The following SWAP70 variants were observed in gnomAD, a reference collection of about 807,000 sequenced individuals.
SWAP70 encodes switch-associated protein 70.
A neutral mutation model predicts 80.2 loss-of-function variants in SWAP70; 34 were observed. That is an observed-to-expected ratio of 0.42 (90% CI 0.32 to 0.56). SWAP70 has a LOEUF of 0.56. Among genes scored for constraint, SWAP70 ranks in the 20% least tolerant of loss-of-function variants. SWAP70 has a pLI of 0.09. For missense variants in SWAP70, 578 were observed against 690.7 expected, an observed-to-expected ratio of 0.84 and a Z score of 1.83; for synonymous variants, 239 against 238.5, an observed-to-expected ratio of 1.00 and a Z score of -0.02.
intron 10 of SWAP70, among the ~76,000 whole-genome samples, chr11:9,748,751 G>C (rs1564836959): frequency 1.3e-5 from 2 of 152,250 alleles, no homozygotes; most frequent in Non-Finnish European, 2.9e-5. Flanking sequence ...GGTGGATTTG[G>C]AGTGGAGAGG....
intron 1 of SWAP70, among the ~76,000 whole-genome samples, chr11:9,671,936 T>C (rs1216567521): frequency 1.8e-5 from 2 of 111,252 alleles, no homozygotes; most frequent in East Asian, 5.3e-4. Flanking sequence ...TTATATTTTA[T>C]AATATATTTT....
At chr11:9,725,023 A>G in intron 4 of SWAP70, 138 bp downstream of exon 4, 1 of 662,246 alleles carries the variant, frequency 1.5e-6, no homozygotes, top group Non-Finnish European at 2.5e-6. Flanking sequence ...TTTTTTTGAG[A>G]CAGTCTTGCT....
chr11:9,723,839 C>T lies in SWAP70; in HGVS notation c.415-819C>T, dbSNP rs1031629572. ...CCAGGCTGGAGTGCAGTGGCACAAT[C>T]GCCGCTCACTGCAACCTCTGTCTTC... On this transcript the variant is annotated intron_variant, in intron 3 of 11. Coordinates refer to ENST00000318950, the MANE Select transcript of SWAP70 (RefSeq NM_015055.4). 4.0e-5 allele frequency among the ~76,000 whole-genome samples: 6 copies of T among 148,668 alleles called. No homozygotes were observed. The East Asian group carries it at 5.9e-4, about 15-fold the overall frequency.
chr11:9,673,880 T>C (rs1850451486), intron 1 of SWAP70, among the ~76,000 whole-genome samples: 1 of 152,200 alleles, frequency 6.6e-6, no homozygotes, highest in East Asian at 1.9e-4. Flanking sequence ...TTTTCTTTTT[T>C]CATTGATTTA....
chr11:9,684,542 ATT>A (rs1157865238), intron 1 of SWAP70, among the ~76,000 whole-genome samples: 2 of 152,094 alleles, frequency 1.3e-5, no homozygotes, highest in Non-Finnish European at 2.9e-5. Context: ...GTTAATTCTT[ATT>A]GTGTCCTTTT....
In SWAP70 at chr11:9,752,342, C is replaced by T. The variant is rs12575391; in HGVS notation, c.*2372C>T. On this transcript the variant is annotated 3_prime_UTR_variant, in exon 12 of 12. Transcript: ENST00000318950. ...CACTGCCTGGCCCCTGGCCATCCACCTAAGGACTGCCTGCTTTCTGGTCAC... is the reference window on the plus strand; with the variant it reads ...CACTGCCTGGCCCCTGGCCATCCACTTAAGGACTGCCTGCTTTCTGGTCAC... 1.3e-5 allele frequency: 2 copies of T among 152,300 alleles called. 1 individual carries two copies. 9.4% of individuals were successfully genotyped at this position (152,300 alleles called of 1,614,324 possible).
intron 6 of SWAP70, among the ~76,000 whole-genome samples, chr11:9,732,243 T>C (rs1011493477): frequency 9.9e-5 from 15 of 152,200 alleles, no homozygotes; most frequent in African/African-American, 3.1e-4. Context: ...CAGATACAGT[T>C]AACAGAATTT....
intron 1 of SWAP70, among the ~76,000 whole-genome samples, chr11:9,689,162 G>A (rs1206109165): frequency 6.6e-6 from 1 of 152,152 alleles, no homozygotes; most frequent in Non-Finnish European, 1.5e-5. Context: ...TTACTGGGTG[G>A]CACGTTTTAA....
chr11:9,725,554 TATATATATA>T lies in SWAP70; in HGVS notation c.642+670_642+678del, dbSNP rs1239309196. Reference sequence around the variant, plus strand: ...AAATATATATATATATATATATATATATATATATATATATATTTTTTTTTTTTTTTTTTT... The same window carrying T: ...AAATATATATATATATATATATATATTATATATTTTTTTTTTTTTTTTTTT... On this transcript the variant is annotated intron_variant, in intron 4 of 11. Coordinates refer to ENST00000318950, the MANE Select transcript of SWAP70 (RefSeq NM_015055.4). 3.8e-3 allele frequency among the ~76,000 whole-genome samples: 39 copies of T among 10,156 alleles called. 2 individuals are homozygous for T. The highest frequency in any genetic ancestry group is 0.01 in the African/African-American group (34 of 3,274). The allele number at this position is 10,156 out of a possible 152,430, so 6.7% of individuals were successfully genotyped here.
chr11:9,749,058 G>A lies in SWAP70; in HGVS notation c.1555-29G>A, dbSNP rs559041109. ...TGGTTCTTAAACTACCCGTGTGTCT[G>A]CATAGTCCAAAATCCACTTTTGTTT... On this transcript the variant is annotated intron_variant, in intron 10 of 11. Transcript: ENST00000318950. 4 of 1,504,464 alleles carry A rather than the reference G, an allele frequency of 2.7e-6. No individual in the cohort carries two copies. In the South Asian group the frequency reaches 3.4e-5, roughly 13 times the overall value. The allele number at this position is 1,504,464 out of a possible 1,614,324, so 93.2% of individuals were successfully genotyped here.
chr11:9,725,419 C>T (rs1400713966), intron 4 of SWAP70, among the ~76,000 whole-genome samples: 2 of 146,828 alleles, frequency 1.4e-5, no homozygotes, highest in African/African-American at 2.5e-5. Context: ...CGTGGTGGCT[C>T]ATGCCTGTAA....
chr11:9,695,762 T>C (rs996754266), intron 2 of SWAP70, among the ~76,000 whole-genome samples: 2 of 152,142 alleles, frequency 1.3e-5, no homozygotes, highest in Non-Finnish European at 1.5e-5. Context: ...TGTTTTTGTT[T>C]TTAGAAGAAA....
rs563215546 is a variant in SWAP70, at chr11:9,725,449, T to A, written c.642+564T>A. 2.8e-5 allele frequency among the ~76,000 whole-genome samples: 4 copies of A among 143,986 alleles called. No individual in the cohort carries two copies. The South Asian group carries it at 9.0e-4, about 32-fold the overall frequency. 94.5% of individuals were successfully genotyped at this position (143,986 alleles called of 152,430 possible). A position where few individuals can be genotyped will look rare whatever the true frequency, so the allele number is the denominator to read the frequency against. On this transcript the variant is annotated intron_variant, in intron 4 of 11. Transcript: ENST00000318950. The stretch of plus-strand genomic sequence containing the variant: ...CTGTAATCCCAGCACTTTGGGAGGC[T>A]GAGGCGGGTGGATCACCAGGTCAGG...
chr11:9,720,456 A>C, intron 3 of SWAP70: 2 of 985,418 alleles, frequency 2.0e-6, no homozygotes, highest in Middle Eastern at 5.2e-4. Context: ...TGAAGCTTGG[A>C]GTGTGAATGA....
intron 1 of SWAP70, among the ~76,000 whole-genome samples, chr11:9,686,389 C>G (rs1319569308): frequency 3.3e-5 from 2 of 60,684 alleles, no homozygotes; most frequent in African/African-American, 4.8e-5. Flanking sequence ...GAGACAGGTT[C>G]TCGCTCAGTT....
At chr11:9,739,641 C>G (rs1242621113) in intron 8 of SWAP70, among the ~76,000 whole-genome samples, 5 of 152,350 alleles carry the variant, frequency 3.3e-5, no homozygotes, top group South Asian at 4.1e-4. Context: ...TTAACGTATA[C>G]AGATTAACTG....
At chr11:9,692,099 C>A (rs994450503) in intron 1 of SWAP70, among the ~76,000 whole-genome samples, 3 of 151,944 alleles carry the variant, frequency 2.0e-5, no homozygotes, top group Non-Finnish European at 4.4e-5. Context: ...TGGTACATTG[C>A]TGTGGAATAT....
chr11:9,672,753 T>C (rs1850435482), intron 1 of SWAP70, among the ~76,000 whole-genome samples: 1 of 152,030 alleles, frequency 6.6e-6, no homozygotes, highest in African/African-American at 2.4e-5. Context: ...TTAGTAAATA[T>C]TGGCCTTGAG....
In SWAP70 at chr11:9,682,617, T is replaced by C. The variant is rs554573346; in HGVS notation, c.100-11529T>C. ...TATAAATGTTTAGATTTATAAAATA[T>C]AAAATTTGAAAAAATTTAAGTCTTT... On this transcript the variant is annotated intron_variant, in intron 1 of 11. Transcript: ENST00000318950. Among the ~76,000 whole-genome samples, 5 of 152,358 alleles carry C rather than the reference T, an allele frequency of 3.3e-5. No homozygotes were observed. In the South Asian group the frequency reaches 6.2e-4, roughly 19 times the overall value.
Sources: gnomAD v4.1 joint callset for allele counts (sites outside exome capture counted in the v4.1 genomes callset) on GRCh38, gnomAD v4.1.1 for gene constraint, MANE v1.5 for transcripts, NCBI Gene and HGNC (gene_info 2026-07-23, HGNC 2026-07-21) for gene names.